The following GALNT7 variants were observed in gnomAD, a reference collection of about 807,000 sequenced individuals.
GALNT7 encodes the protein N-acetylgalactosaminyltransferase 7.
A neutral mutation model predicts 82.1 loss-of-function variants in GALNT7; 60 were observed. That is an observed-to-expected ratio of 0.73 (90% CI 0.59 to 0.91). The LOEUF is 0.91. Among genes scored for constraint, GALNT7 ranks in the 40% least tolerant of loss-of-function variants. The pLI is 0.00. For missense variants in GALNT7, 660 were observed against 804.2 expected, an observed-to-expected ratio of 0.82 and a Z score of 2.17; for synonymous variants, 243 against 275.1, an observed-to-expected ratio of 0.88 and a Z score of 1.15.
chr4:173,186,442 TC>T (rs1437739919), intron 1 of GALNT7, among the ~76,000 whole-genome samples: 1 of 152,218 alleles, frequency 6.6e-6, no homozygotes, highest in Non-Finnish European at 1.5e-5. Flanking sequence ...AGACATAAAA[TC>T]AACTTCATAG....
chr4:173,281,604 A>G (rs1736112010), intron 2 of GALNT7, among the ~76,000 whole-genome samples: 1 of 152,188 alleles, frequency 6.6e-6, no homozygotes, highest in Admixed American at 6.5e-5. Context: ...AGATGTGGAA[A>G]GGGAAGTTGT....
chr4:173,220,400 T>C (rs1357731347), intron 1 of GALNT7, among the ~76,000 whole-genome samples: 15 of 152,206 alleles, frequency 9.9e-5, no homozygotes, highest in Admixed American at 9.8e-4. Context: ...TGTGATCTCA[T>C]GGTATAGTTT....
chr4:173,264,919 A>T (rs1391468854), intron 2 of GALNT7, among the ~76,000 whole-genome samples: 5 of 152,206 alleles, frequency 3.3e-5, no homozygotes, highest in African/African-American at 1.2e-4. Context: ...GCCAGGTGCG[A>T]CAGCTCTTTT....
rs144217956 is a variant in GALNT7 at position 173,210,764 on chromosome 4, C to A, written c.127-37216C>A. On this transcript the variant is annotated intron_variant, in intron 1 of 11. Transcript: ENST00000265000. ...TCCTTTTACGTTTGCTGATTTTTGT[C>A]CCATCCTTCTTTTTGATTCTGCAAC... Among the ~76,000 whole-genome samples, 923 of 152,162 alleles carry A rather than the reference C, an allele frequency of 6.1e-3. 7 individuals carry two copies. The highest frequency in any genetic ancestry group is 0.02 in the African/African-American group (822 of 41,520).
chr4:173,214,244 G>A (rs1579917615), intron 1 of GALNT7, among the ~76,000 whole-genome samples: 1 of 149,908 alleles, frequency 6.7e-6, no homozygotes, highest in Admixed American at 6.6e-5. Context: ...TATCCTTTAA[G>A]CAATTAAGTT....
At chr4:173,291,528 G>A (rs1318712168) in intron 2 of GALNT7, among the ~76,000 whole-genome samples, 1 of 152,120 alleles carries the variant, frequency 6.6e-6, no homozygotes, top group Admixed American at 6.5e-5. Flanking sequence ...GTTTCAAATA[G>A]TTGTGTAGAA....
chr4:173,319,592 TAA>T (rs1737729020), intron 11 of GALNT7, among the ~76,000 whole-genome samples: 2 of 151,846 alleles, frequency 1.3e-5, no homozygotes, highest in Non-Finnish European at 2.9e-5. Flanking sequence ...AGCAAAATAG[TAA>T]AAGAGGGCTA....
chr4:173,284,587 G>A (rs1440057819), intron 2 of GALNT7, among the ~76,000 whole-genome samples: 1 of 152,038 alleles, frequency 6.6e-6, no homozygotes, highest in East Asian at 1.9e-4. Flanking sequence ...AAGGGGCCAG[G>A]AAAGACAACC....
At chr4:173,176,719 G>T (rs1732055562) in intron 1 of GALNT7, among the ~76,000 whole-genome samples, 1 of 152,144 alleles carries the variant, frequency 6.6e-6, no homozygotes, top group South Asian at 2.1e-4. Flanking sequence ...GGACAGAGGA[G>T]ACTGTGCAAC....
chr4:173,192,961 A>T lies in GALNT7; in HGVS notation c.126+24000A>T, dbSNP rs552897721. 5.9e-5 allele frequency among the ~76,000 whole-genome samples: 9 copies of T among 152,290 alleles called. No homozygotes were observed. The South Asian group carries it at 1.9e-3, about 32-fold the overall frequency. On this transcript the variant is annotated intron_variant, in intron 1 of 11. Coordinates refer to ENST00000265000, the MANE Select transcript of GALNT7 (RefSeq NM_017423.3). ...GACGGCACAGAGTTGGTTGGTAGGC[A>T]TAGTACCAGGGTCAGCTCCTTATGC...
chr4:173,254,878 T>C (rs1734980007), intron 2 of GALNT7, among the ~76,000 whole-genome samples: 1 of 152,216 alleles, frequency 6.6e-6, no homozygotes, highest in Non-Finnish European at 1.5e-5. Context: ...CTAGACTACT[T>C]TGTGAATTCA....
chr4:173,184,174 G>A (rs1465702838), intron 1 of GALNT7, among the ~76,000 whole-genome samples: 3 of 151,894 alleles, frequency 2.0e-5, no homozygotes, highest in African/African-American at 4.8e-5. Flanking sequence ...AGGCAGAGAC[G>A]CTCCTCACTT....
chr4:173,216,222 T>C (rs770168862), intron 1 of GALNT7, among the ~76,000 whole-genome samples: 4 of 152,216 alleles, frequency 2.6e-5, no homozygotes, highest in Non-Finnish European at 5.9e-5. Context: ...TTAATATTGT[T>C]TCAACTACTG....
chr4:173,209,114 T>G (rs528265024), intron 1 of GALNT7, among the ~76,000 whole-genome samples: 2 of 152,358 alleles, frequency 1.3e-5, no homozygotes, highest in African/African-American at 4.8e-5. Flanking sequence ...GAGCTTTGCT[T>G]CTTTAACCTG....
intron 1 of GALNT7, among the ~76,000 whole-genome samples, chr4:173,203,174 A>C (rs1470872130): frequency 2.0e-5 from 3 of 152,086 alleles, no homozygotes; most frequent in African/African-American, 7.2e-5. Context: ...AGGCTCTGCA[A>C]GCTCCGCCTC....
chr4:173,248,850 G>A (rs1424550890), intron 2 of GALNT7, among the ~76,000 whole-genome samples: 2 of 152,172 alleles, frequency 1.3e-5, no homozygotes, highest in Admixed American at 6.5e-5. Context: ...TGGAGCAAGT[G>A]CCTTATCTTG....
chr4:173,264,663 C>G (rs1735413980), intron 2 of GALNT7, among the ~76,000 whole-genome samples: 1 of 152,190 alleles, frequency 6.6e-6, no homozygotes, highest in Admixed American at 6.5e-5. Flanking sequence ...AGTTTGGAAA[C>G]CTGAGACCTA....
intron 1 of GALNT7, among the ~76,000 whole-genome samples, chr4:173,189,357 A>G (rs1046069665): frequency 9.2e-5 from 14 of 152,218 alleles, no homozygotes; most frequent in African/African-American, 3.4e-4. Context: ...GGAAACCCCA[A>G]CGTTAAGTGG....
chr4:173,204,905 C>T (rs1733040198), intron 1 of GALNT7, among the ~76,000 whole-genome samples: 1 of 152,138 alleles, frequency 6.6e-6, no homozygotes, highest in South Asian at 2.1e-4. Context: ...ATAATCTGTG[C>T]ATTTGAAGAA....
Sources: gnomAD v4.1 joint callset for allele counts (sites outside exome capture counted in the v4.1 genomes callset) on GRCh38, gnomAD v4.1.1 for gene constraint, MANE v1.5 for transcripts, NCBI Gene and HGNC (gene_info 2026-07-23, HGNC 2026-07-21) for gene names.